Variants in CCDC7 observed in about 807,000 individuals in gnomAD.
CCDC7 encodes coiled-coil domain-containing protein 7.
A neutral mutation model predicts 196.9 loss-of-function variants in CCDC7; 183 were observed. The observed-to-expected ratio is 0.93, with a 90% CI of 0.82 to 1.05. CCDC7 has a LOEUF of 1.05. Ranked by LOEUF, CCDC7 falls within the 50% of genes least tolerant of loss-of-function variation. CCDC7 has a pLI of 0.00. For synonymous variants in CCDC7, 525 were observed against 484.6 expected (o/e 1.08, Z -1.10); for missense variants, 1,540 against 1,482.2 (o/e 1.04, Z -0.64).
chr10:32,446,889 C>T (rs2031277701), upstream of CCDC7, among the ~76,000 whole-genome samples: 1 of 97,840 alleles, frequency 1.0e-5, no homozygotes, highest in Non-Finnish European at 2.2e-5. Context: ...GCGTTGCCTG[C>T]CTGCCTGCCT....
chr10:32,451,756 A>G (rs762635252), exon 1 of CCDC7: 1 of 1,614,186 alleles, frequency 6.2e-7, no homozygotes, highest in Non-Finnish European at 8.5e-7. Context: ...TAAAGGAAAA[A>G]CATAATGCAA....
In CCDC7 at chr10:32,631,096, A is replaced by G. The variant is rs139308210; in HGVS notation, c.1802-3158A>G. ...GTTAACAGCTTTAGCTGAGGCAGAC[A>G]TGTGAGTGAATGATGAAACCTCTAG... is the stretch of plus-strand genomic sequence containing the variant. On this transcript the variant is annotated intron_variant, in intron 18 of 41. Coordinates refer to ENST00000639629, the Ensembl canonical transcript of CCDC7. 9.2e-5 allele frequency among the ~76,000 whole-genome samples: 14 copies of G among 152,328 alleles called. No individual in the cohort carries two copies. The East Asian group carries it at 1.2e-3, about 13-fold the overall frequency.
chr10:32,833,608 A>G (rs1038624208), intron 32 of CCDC7, among the ~76,000 whole-genome samples: 1 of 152,168 alleles, frequency 6.6e-6, no homozygotes. Flanking sequence ...AAATAACTAA[A>G]GAGGTTAAAA....
intron 32 of CCDC7, among the ~76,000 whole-genome samples, chr10:32,826,706 A>G (rs2091173280): frequency 6.6e-6 from 1 of 152,246 alleles, no homozygotes; most frequent in South Asian, 2.1e-4. Context: ...CCTGGTTCCC[A>G]GATGGTTCTG....
chr10:32,846,534 T>A, intron 37 of CCDC7, 75 bp downstream of exon 38: 1 of 876,334 alleles, frequency 1.1e-6, no homozygotes, highest in Non-Finnish European at 1.8e-6. Flanking sequence ...TATAGACATT[T>A]AATGACAATA....
intron 19 of CCDC7, among the ~76,000 whole-genome samples, chr10:32,634,585 C>T (rs1002113768): frequency 1.3e-5 from 2 of 151,860 alleles, no homozygotes; most frequent in African/African-American, 4.8e-5. Context: ...TTAGTAGAGA[C>T]GGGGTTTCAC....
intron 41 of CCDC7, among the ~76,000 whole-genome samples, chr10:32,862,759 C>T (rs1029196771): frequency 3.9e-5 from 6 of 152,014 alleles, no homozygotes; most frequent in Admixed American, 3.3e-4. Context: ...TTGAAGACAA[C>T]ATGATCTTAT....
At chr10:32,837,224 A>G (rs2092673523) in intron 33 of CCDC7, among the ~76,000 whole-genome samples, 1 of 152,196 alleles carries the variant, frequency 6.6e-6, no homozygotes, top group Admixed American at 6.6e-5. Context: ...AAACAAATTT[A>G]CAAGAAAAAA....
At chr10:32,703,819 C>T (rs1370583401) in intron 24 of CCDC7, among the ~76,000 whole-genome samples, 2 of 152,104 alleles carry the variant, frequency 1.3e-5, no homozygotes, top group Non-Finnish European at 2.9e-5. Context: ...GCTACTGAGG[C>T]TTGTGCATTC....
At chr10:32,860,029 T>C (rs555215896) in intron 41 of CCDC7, among the ~76,000 whole-genome samples, 3 of 151,926 alleles carry the variant, frequency 2.0e-5, no homozygotes, top group East Asian at 1.9e-4. Context: ...TTCCAAACAA[T>C]AGAAAAAGAG....
intron 33 of CCDC7, among the ~76,000 whole-genome samples, chr10:32,841,882 GCTGGAGT>G (rs1456681107): frequency 1.3e-4 from 20 of 152,076 alleles, no homozygotes; most frequent in African/African-American, 4.6e-4. Flanking sequence ...AACGAATGTT[GCTGGAGT>G]AATTGTCAAG....
At chr10:32,719,194 A>G (rs2082047300) in intron 25 of CCDC7, among the ~76,000 whole-genome samples, 1 of 152,248 alleles carries the variant, frequency 6.6e-6, no homozygotes, top group Non-Finnish European at 1.5e-5. Context: ...CCAATGGAAC[A>G]GAACAGAGGA....
At chr10:32,463,868 A>T (rs1413505443) in intron 5 of CCDC7, among the ~76,000 whole-genome samples, 3 of 152,190 alleles carry the variant, frequency 2.0e-5, no homozygotes, top group Non-Finnish European at 4.4e-5. Flanking sequence ...CATTTGACTG[A>T]CATTGGAAAA....
At chr10:32,625,637 A>G (rs2063938496) in intron 18 of CCDC7, among the ~76,000 whole-genome samples, 1 of 152,026 alleles carries the variant, frequency 6.6e-6, no homozygotes, top group Non-Finnish European at 1.5e-5. Flanking sequence ...ACAATATGCT[A>G]TTATATTCAC....
At chr10:32,570,051 A>T (rs1183582007) in intron 15 of CCDC7, among the ~76,000 whole-genome samples, 12 of 152,132 alleles carry the variant, frequency 7.9e-5, no homozygotes, top group African/African-American at 2.9e-4. Flanking sequence ...TCTAACTCGA[A>T]TAACACCTAA....
chr10:32,822,599 C>G (rs2090444124), intron 31 of CCDC7, among the ~76,000 whole-genome samples: 1 of 151,850 alleles, frequency 6.6e-6, no homozygotes, highest in South Asian at 2.1e-4. Flanking sequence ...ATATGTATAA[C>G]AGTAGCACAA....
chr10:32,501,494 T>C (rs1180384822), intron 9 of CCDC7, among the ~76,000 whole-genome samples: 1 of 152,200 alleles, frequency 6.6e-6, no homozygotes, highest in Non-Finnish European at 1.5e-5. Context: ...CTTTTTGCGC[T>C]GGTTTCTCCC....
At chr10:32,794,026 T>C (rs969594792) in intron 29 of CCDC7, among the ~76,000 whole-genome samples, 7 of 152,162 alleles carry the variant, frequency 4.6e-5, no homozygotes, top group African/African-American at 1.7e-4. Flanking sequence ...AAATTGCATA[T>C]TGCTAAGGCT....
At chr10:32,609,937 A>G (rs762463465) in intron 18 of CCDC7, among the ~76,000 whole-genome samples, 1 of 152,134 alleles carries the variant, frequency 6.6e-6, no homozygotes, top group Admixed American at 6.6e-5. Context: ...AGTAGTGTAT[A>G]TAGTGCAGAT....
Sources: allele counts gnomAD v4.1 joint callset (sites outside exome capture counted in the v4.1 genomes callset), GRCh38; gene constraint gnomAD v4.1.1; transcripts MANE v1.5; gene names NCBI Gene and HGNC (gene_info 2026-07-23, HGNC 2026-07-21).